The following CNTNAP4 variants were observed in gnomAD, a reference collection of about 807,000 sequenced individuals.
CNTNAP4 encodes the protein contactin associated protein family member 4, also known as contactin-associated protein-like 4.
Under a neutral mutation model 148.4 loss-of-function variants are expected in CNTNAP4, and 98 were observed. That is an observed-to-expected ratio of 0.66 (90% CI 0.56 to 0.78). The LOEUF is 0.78. CNTNAP4 is among the 30% of genes least tolerant of loss of function. The probability of loss-of-function intolerance (pLI) is 0.00; values close to 1 mark genes in which losing one functional copy is unlikely to be tolerated. For synonymous variants in CNTNAP4, 730 were observed against 565.1 expected, an observed-to-expected ratio of 1.29 and a Z score of -4.14; for missense variants, 1,935 against 1,565.6, an observed-to-expected ratio of 1.24 and a Z score of -3.98.
chr16:76,313,413 C>T (rs1961360906), intron 1 of CNTNAP4, among the ~76,000 whole-genome samples: 1 of 152,200 alleles, frequency 6.6e-6, no homozygotes, highest in Non-Finnish European at 1.5e-5. Flanking sequence ...ACATAATGCA[C>T]TCTCTTGTGT....
At chr16:76,501,517 C>T (rs1331119940) in intron 15 of CNTNAP4, among the ~76,000 whole-genome samples, 1 of 152,194 alleles carries the variant, frequency 6.6e-6, no homozygotes, top group African/African-American at 2.4e-5. Context: ...AGTGATTCTC[C>T]ATCCAAGGCA....
intron 3 of CNTNAP4, among the ~76,000 whole-genome samples, chr16:76,395,511 G>A (rs914526123): frequency 6.6e-6 from 1 of 151,860 alleles, no homozygotes; most frequent in Non-Finnish European, 1.5e-5. Flanking sequence ...TGATCCACCT[G>A]CCTCAGCCTC....
intron 9 of CNTNAP4, among the ~76,000 whole-genome samples, chr16:76,464,888 T>A (rs1221958713): frequency 2.6e-5 from 4 of 152,258 alleles, no homozygotes; most frequent in Non-Finnish European, 1.5e-5. Flanking sequence ...TTTTATCATT[T>A]ATAAATTATA....
At position 76,448,870 on chromosome 16, in the gene CNTNAP4, A is replaced by T. The variant is rs1481603718; in HGVS notation, c.846A>T (p.Lys282Asn). The change falls in exon 6 of 24, where the codon AAA becomes AAT. Residue 282 changes from lysine (K) to asparagine (N), a missense_variant. Lys to Asn is a moderately conservative substitution (Grantham distance 94). Transcript: ENST00000611870. Reference protein sequence around the residue: ...WHSVLIQRLGKQVNFTVDEHR... With the variant: ...WHSVLIQRLGNQVNFTVDEHR... The stretch of plus-strand genomic sequence containing the variant: ...CAGTGCTCATCCAGCGTTTGGGCAA[A>T]CAAGTCAACTTCACAGTGGACGAAC... The T allele has an allele frequency of 1.2e-6, 2 of 1,613,730 alleles. No homozygotes were observed. Among genetic ancestry groups the T allele is most frequent in the East Asian group, 4.5e-5 (2 of 44,860 alleles).
chr16:76,382,769 A>G (rs1274031090), intron 3 of CNTNAP4, among the ~76,000 whole-genome samples: 9 of 152,188 alleles, frequency 5.9e-5, no homozygotes, highest in Non-Finnish European at 2.9e-5. Context: ...ACTTTCCTCT[A>G]AAAGGATCTA....
intron 1 of CNTNAP4, among the ~76,000 whole-genome samples, chr16:76,307,878 A>C (rs1233291544): frequency 1.3e-5 from 2 of 152,080 alleles, no homozygotes; most frequent in African/African-American, 4.8e-5. Context: ...AGCTATTCAA[A>C]CTCAGGCTAT....
intron 2 of CNTNAP4, among the ~76,000 whole-genome samples, chr16:76,325,806 A>G (rs1040989732): frequency 2.6e-5 from 4 of 152,322 alleles, no homozygotes; most frequent in Middle Eastern, 3.4e-3. Context: ...GAAAACAAGC[A>G]TGTAATACAA....
At chr16:76,332,785 T>A (rs1478551418) in intron 2 of CNTNAP4, among the ~76,000 whole-genome samples, 1 of 152,112 alleles carries the variant, frequency 6.6e-6, no homozygotes, top group Non-Finnish European at 1.5e-5. Flanking sequence ...GCCAACCAGC[T>A]TTCCCAGGGA....
intron 3 of CNTNAP4, among the ~76,000 whole-genome samples, chr16:76,364,288 T>A (rs1455699238): frequency 6.8e-6 from 1 of 147,784 alleles, no homozygotes; most frequent in Non-Finnish European, 1.5e-5. Flanking sequence ...TGAACTCTTA[T>A]GAGCTGTAGA....
chr16:76,359,949 C>G (rs2013201696), intron 3 of CNTNAP4, among the ~76,000 whole-genome samples: 1 of 152,214 alleles, frequency 6.6e-6, no homozygotes, highest in Non-Finnish European at 1.5e-5. Flanking sequence ...GCAAATTCTC[C>G]AAATCCTTTA....
At chr16:76,544,287 A>C (rs2084607288) in intron 21 of CNTNAP4, among the ~76,000 whole-genome samples, 3 of 151,742 alleles carry the variant, frequency 2.0e-5, no homozygotes, top group African/African-American at 7.3e-5. Context: ...ATGCTTTTTC[A>C]GGTGGAAAAA....
At chr16:76,333,779 GTTTT>G (rs549878036) in intron 2 of CNTNAP4, among the ~76,000 whole-genome samples, 330 of 45,618 alleles carry the variant, frequency 7.2e-3, no homozygotes, top group African/African-American at 0.022. Flanking sequence ...TGGGTTATAG[GTTTT>G]TTTTTTTTTT....
At chr16:76,397,453 G>A (rs1350298344) in intron 3 of CNTNAP4, among the ~76,000 whole-genome samples, 2 of 151,902 alleles carry the variant, frequency 1.3e-5, no homozygotes. Flanking sequence ...GGAGTTAGAG[G>A]GCTGAAGGCA....
chr16:76,449,503 T>A (rs1286645260), intron 6 of CNTNAP4, among the ~76,000 whole-genome samples: 2 of 152,172 alleles, frequency 1.3e-5, no homozygotes, highest in Non-Finnish European at 2.9e-5. Context: ...CAAAGCCAGA[T>A]GTGATCAGCA....
Position 76,400,464 on chromosome 16 carries a change from T to G in CNTNAP4, c.391-26988T>G, listed in dbSNP as rs574922879. Among the ~76,000 whole-genome samples, 101 of 152,284 alleles carry G rather than the reference T, an allele frequency of 6.6e-4. 1 individual carries two copies. The South Asian group carries it at 0.012, about 18-fold the overall frequency. ...TATTAGGCTTCTGTCTGATGCATAG[T>G]TTGCACATATTTTCTTCTATTCTGT... is the stretch of plus-strand genomic sequence containing the variant. On this transcript the variant is annotated intron_variant, in intron 3 of 23. Transcript: ENST00000611870.
Position 76,277,493 on chromosome 16 carries a change from G to T in CNTNAP4, c.-170G>T. ...GAGAGAGAGAGGGAGAGAGAAGAGA[G>T]GGAGGAGGGAAGAAGAAAAGACGGA... On this transcript the variant is annotated 5_prime_UTR_variant, in exon 1 of 24. In the 5' UTR this introduces an upstream ATG that the reference lacks. Transcript: ENST00000611870. The T allele has an allele frequency of 1.7e-6, 1 of 588,098 alleles. No individual in the cohort carries two copies. The highest frequency in any genetic ancestry group is 3.0e-6 in the Non-Finnish European group (1 of 331,268). 36.4% of individuals were successfully genotyped at this position (588,098 alleles called of 1,614,324 possible).
At chr16:76,511,705 T>G (rs1414635406) in intron 15 of CNTNAP4, among the ~76,000 whole-genome samples, 1 of 152,134 alleles carries the variant, frequency 6.6e-6, no homozygotes, top group Non-Finnish European at 1.5e-5. Flanking sequence ...TCTCTTCCTC[T>G]TTTTCTTCTT....
intron 9 of CNTNAP4, 71 bp downstream of exon 9, chr16:76,462,176 G>C: frequency 7.4e-7 from 1 of 1,342,960 alleles, no homozygotes; most frequent in Non-Finnish European, 1.0e-6. Flanking sequence ...TCTTGGCGAA[G>C]TCATCATGTT....
chr16:76,434,943 T>C (rs538716125), intron 4 of CNTNAP4, among the ~76,000 whole-genome samples: 12 of 152,236 alleles, frequency 7.9e-5, no homozygotes, highest in Admixed American at 7.8e-4. Context: ...CACAATGATG[T>C]TTTAGGTCCC....
Sources: allele counts gnomAD v4.1 joint callset (sites outside exome capture counted in the v4.1 genomes callset), GRCh38; gene constraint gnomAD v4.1.1; transcripts MANE v1.5; gene names NCBI Gene and HGNC (gene_info 2026-07-23, HGNC 2026-07-21).